ADARB2: variants seen among roughly 807,000 people sequenced by gnomAD.
ADARB2 encodes the protein inactive double-stranded RNA-specific editase B2.
Under a neutral mutation model 62.2 loss-of-function variants are expected in ADARB2, and 25 were observed. The ratio of observed to expected loss-of-function variants is 0.40; its 90% CI spans 0.29 to 0.56. The LOEUF (loss-of-function observed/expected upper bound fraction) is 0.56. Among genes scored for constraint, ADARB2 ranks in the 20% least tolerant of loss-of-function variants. The probability of loss-of-function intolerance (pLI) is 0.43; values close to 1 mark genes in which losing one functional copy is unlikely to be tolerated. For missense variants in ADARB2, 1,071 were observed against 1,077.4 expected (o/e 0.99, Z 0.08); for synonymous variants, 572 against 500.8 (o/e 1.14, Z -1.90).
chr10:1,548,370 C>T lies in ADARB2; in HGVS notation c.101-169210G>A, dbSNP rs371819609. On this transcript the variant is annotated intron_variant, in intron 1 of 9. Coordinates refer to ENST00000381312, the MANE Select transcript of ADARB2 (RefSeq NM_018702.4). ...CAATGTTAAACAATGGCTGCTGGTGCGCCAGCCCTACCCAGTGAGTACCAG... is the reference window on the plus strand; with the variant it reads ...CAATGTTAAACAATGGCTGCTGGTGTGCCAGCCCTACCCAGTGAGTACCAG... 6.3e-4 allele frequency among the ~76,000 whole-genome samples: 96 copies of T among 152,352 alleles called. 1 individual carries two copies. Among genetic ancestry groups the T allele is most frequent in the Middle Eastern group, 3.4e-3 (1 of 294 alleles).
intron 2 of ADARB2, among the ~76,000 whole-genome samples, chr10:1,375,768 G>A (rs917167682): frequency 6.0e-5 from 9 of 150,232 alleles, no homozygotes; most frequent in Non-Finnish European, 8.9e-5. Flanking sequence ...ATGCACACAC[G>A]CACACATGTG....
intron 7 of ADARB2, among the ~76,000 whole-genome samples, chr10:1,211,601 A>G (rs929948056): frequency 6.6e-6 from 1 of 152,216 alleles, no homozygotes; most frequent in African/African-American, 2.4e-5. Flanking sequence ...GGACGAGACC[A>G]TGGTATGCTG....
At chr10:1,300,552 G>A (rs1831564115) in intron 3 of ADARB2, among the ~76,000 whole-genome samples, 1 of 152,194 alleles carries the variant, frequency 6.6e-6, no homozygotes, top group Admixed American at 6.5e-5. Context: ...TCATGACACG[G>A]TATAATTTGT....
At chr10:1,337,062 C>CGGTG (rs1554755013) in intron 3 of ADARB2, among the ~76,000 whole-genome samples, 138 of 142,148 alleles carry the variant, frequency 9.7e-4, no homozygotes, top group African/African-American at 3.5e-3. Flanking sequence ...TTAAAGATTT[C>CGGTG]TGTGTGTGTG....
At chr10:1,546,347 C>G (rs185768238) in intron 1 of ADARB2, among the ~76,000 whole-genome samples, 1 of 152,346 alleles carries the variant, frequency 6.6e-6, no homozygotes, top group Admixed American at 6.5e-5. Flanking sequence ...GCAACAGGTT[C>G]CTGCACTTAC....
At chr10:1,410,757 G>C (rs1214369663) in intron 1 of ADARB2, among the ~76,000 whole-genome samples, 1 of 152,134 alleles carries the variant, frequency 6.6e-6, no homozygotes, top group Non-Finnish European at 1.5e-5. Context: ...ATTCACCACG[G>C]GGATGAGCAG....
At position 1,255,341 on chromosome 10, in the gene ADARB2, C is replaced by T. The variant is rs776100605; in HGVS notation, c.1193-13042G>A. On this transcript the variant is annotated intron_variant, in intron 4 of 9. Coordinates refer to ENST00000381312, the MANE Select transcript of ADARB2 (RefSeq NM_018702.4). This position sits in a 1 kb window ranked among gnomAD's most constrained non-coding sequence, Gnocchi z 4.7. ...GGTGCCACGTCACGTAGCTTGTCCT[C>T]GTCAGTGCAGCTGACGCTCACCAAG... Among the ~76,000 whole-genome samples, 21 of 152,256 alleles carry T rather than the reference C, an allele frequency of 1.4e-4. No homozygotes were observed. The highest frequency in any genetic ancestry group is 5.9e-5 in the Non-Finnish European group (4 of 68,050).
At chr10:1,475,127 A>C (rs1044025970) in intron 1 of ADARB2, among the ~76,000 whole-genome samples, 8 of 152,168 alleles carry the variant, frequency 5.3e-5, no homozygotes, top group Non-Finnish European at 1.2e-4. Flanking sequence ...CGTCAAGCTC[A>C]GTCAGCAGGA....
At chr10:1,537,852 A>G (rs1832353781) in intron 1 of ADARB2, among the ~76,000 whole-genome samples, 1 of 152,170 alleles carries the variant, frequency 6.6e-6, no homozygotes, top group Non-Finnish European at 1.5e-5. Flanking sequence ...TAGGACAAAT[A>G]CCTAATGCAT....
At chr10:1,474,506 C>T (rs1005035398) in intron 1 of ADARB2, among the ~76,000 whole-genome samples, 1 of 152,164 alleles carries the variant, frequency 6.6e-6, no homozygotes, top group African/African-American at 2.4e-5. Context: ...CTGGTGGCAC[C>T]CAAGCAGGAC....
At chr10:1,190,963 C>T (rs1836834398) in intron 8 of ADARB2, among the ~76,000 whole-genome samples, 1 of 152,222 alleles carries the variant, frequency 6.6e-6, no homozygotes, top group South Asian at 2.1e-4. Context: ...GGAGGAGGGG[C>T]AGCCCCACGC....
chr10:1,557,082 C>T (rs1373746453), intron 1 of ADARB2: 9 of 350,172 alleles, frequency 2.6e-5, no homozygotes, highest in Non-Finnish European at 3.4e-5. Flanking sequence ...TCCCACTGTC[C>T]GAGGGTACCT....
At chr10:1,444,467 T>C (rs1350127755) in intron 1 of ADARB2, among the ~76,000 whole-genome samples, 1 of 133,506 alleles carries the variant, frequency 7.5e-6, no homozygotes, top group African/African-American at 2.9e-5. Context: ...CTATCTACAT[T>C]CTCCTTCCAT....
At chr10:1,233,587 C>T (rs540901636) in intron 6 of ADARB2, 107 bp downstream of exon 6, 3 of 1,234,748 alleles carry the variant, frequency 2.4e-6, no homozygotes, top group Admixed American at 2.8e-5. Flanking sequence ...ACCCAAGGGC[C>T]CCACACACCG....
Position 1,636,733 on chromosome 10 carries a change from C to T in ADARB2, c.100+100318G>A, listed in dbSNP as rs541689988. ...CAATATATAGATATTTGATATATAC[C>T]GATATGATGTATAATATACATCATA... On this transcript the variant is annotated intron_variant, in intron 1 of 9. Transcript: ENST00000381312. Among the ~76,000 whole-genome samples, 13 of 146,434 alleles carry T rather than the reference C, an allele frequency of 8.9e-5. No individual in the cohort carries two copies. In the South Asian group the frequency reaches 1.1e-3, roughly 12 times the overall value.
intron 1 of ADARB2, among the ~76,000 whole-genome samples, chr10:1,439,967 A>G (rs1375293186): frequency 2.9e-5 from 3 of 104,630 alleles, no homozygotes; most frequent in East Asian, 3.1e-4. Context: ...GGTGGACAGA[A>G]GCAGTTTCTT....
intron 1 of ADARB2, among the ~76,000 whole-genome samples, chr10:1,580,557 AAGAAGGTAGAG>A (rs1192720631): frequency 6.6e-6 from 1 of 151,228 alleles, no homozygotes; most frequent in Non-Finnish European, 1.5e-5. Context: ...GTTCTCAGCA[AAGAAGGTAGAG>A]AGAGCTCCCC....
Position 1,380,670 on chromosome 10 carries a change from C to T in ADARB2, c.101-1510G>A, listed in dbSNP as rs1217856748. Among the ~76,000 whole-genome samples, 5 of 152,124 alleles carry T rather than the reference C, an allele frequency of 3.3e-5. No homozygotes were observed. In the East Asian group the frequency reaches 5.8e-4, roughly 18 times the overall value. ...TAACAGCTGTTGTTTCCAGTAGGGA[C>T]GGGCAACAGAGAGAACAATAAATAA... is the stretch of plus-strand genomic sequence containing the variant. On this transcript the variant is annotated intron_variant, in intron 1 of 9. Transcript: ENST00000381312.
intron 3 of ADARB2, among the ~76,000 whole-genome samples, chr10:1,309,001 C>G (rs932967792): frequency 2.6e-5 from 4 of 152,120 alleles, no homozygotes; most frequent in African/African-American, 9.7e-5. Flanking sequence ...GAAAAGTCCC[C>G]AAAAAGGCAA....
Sources: allele counts gnomAD v4.1 joint callset (sites outside exome capture counted in the v4.1 genomes callset), GRCh38; gene constraint gnomAD v4.1.1; non-coding constraint Gnocchi (gnomAD v3.1); transcripts MANE v1.5; gene names NCBI Gene and HGNC (gene_info 2026-07-23, HGNC 2026-07-21).